NRXN3: variants seen among roughly 807,000 people sequenced by gnomAD.
NRXN3 encodes neurexin III.
A neutral mutation model predicts 137.6 loss-of-function variants in NRXN3; 32 were observed. The observed-to-expected ratio is 0.23, with a 90% CI of 0.18 to 0.31. The LOEUF is 0.31. Among genes scored for constraint, NRXN3 ranks in the 10% least tolerant of loss-of-function variants. The pLI is 1.00. For synonymous variants in NRXN3, 798 were observed against 784.5 expected, an observed-to-expected ratio of 1.02 and a Z score of -0.29; for missense variants, 1,574 against 2,062.5, an observed-to-expected ratio of 0.76 and a Z score of 4.59.
At chr14:79,718,729 A>G (rs535612558) in intron 19 of NRXN3, among the ~76,000 whole-genome samples, 10 of 152,252 alleles carry the variant, frequency 6.6e-5, no homozygotes, top group African/African-American at 2.4e-4. Context: ...TAATTTCCAA[A>G]TCTTATGCTT....
At chr14:79,720,147 A>G (rs1342092744) in intron 19 of NRXN3, among the ~76,000 whole-genome samples, 3 of 152,088 alleles carry the variant, frequency 2.0e-5, no homozygotes, top group Non-Finnish European at 4.4e-5. Context: ...CCTCACAATC[A>G]TGGTGGAAGG....
intron 15 of NRXN3, among the ~76,000 whole-genome samples, chr14:79,302,060 G>T (rs916820388): frequency 1.3e-4 from 19 of 151,976 alleles, no homozygotes; most frequent in African/African-American, 3.9e-4. Flanking sequence ...ATGTCAGCAT[G>T]CATGGGTGTT....
chr14:78,847,888 T>C (rs2099031951), intron 10 of NRXN3, among the ~76,000 whole-genome samples: 1 of 152,138 alleles, frequency 6.6e-6, no homozygotes, highest in Non-Finnish European at 1.5e-5. Flanking sequence ...CTCGCCACCC[T>C]ACTTGTAAAA....
At chr14:78,655,076 A>T (rs1480469230) in intron 6 of NRXN3, among the ~76,000 whole-genome samples, 1 of 152,154 alleles carries the variant, frequency 6.6e-6, no homozygotes, top group Non-Finnish European at 1.5e-5. Flanking sequence ...TATGAGGGAG[A>T]CATCATAGTA....
intron 8 of NRXN3, among the ~76,000 whole-genome samples, chr14:78,731,255 G>A (rs926918584): frequency 3.9e-5 from 6 of 151,970 alleles, no homozygotes; most frequent in African/African-American, 1.5e-4. Flanking sequence ...AGCTCTGTTA[G>A]GAGTGTTTAT....
intron 10 of NRXN3, among the ~76,000 whole-genome samples, chr14:78,819,935 T>C (rs796473749): frequency 4.6e-5 from 7 of 152,324 alleles, no homozygotes; most frequent in African/African-American, 1.7e-4. Flanking sequence ...CTATTTATCC[T>C]ATAAAAGCCT....
chr14:79,593,555 C>T (rs1292566632), intron 16 of NRXN3, among the ~76,000 whole-genome samples: 3 of 143,922 alleles, frequency 2.1e-5, no homozygotes, highest in African/African-American at 7.8e-5. Flanking sequence ...GGCGTGAACC[C>T]GGGAGGCAGA....
rs61577048 is a variant in NRXN3, at chr14:78,404,205, C to CT, written c.757+106362dup. 1.8e-3 allele frequency among the ~76,000 whole-genome samples: 257 copies of CT among 142,230 alleles called. 1 individual carries two copies. Among genetic ancestry groups the CT allele is most frequent in the African/African-American group, 6.3e-3 (241 of 37,964 alleles). 93.3% of individuals were successfully genotyped at this position (142,230 alleles called of 152,430 possible). A position where few individuals can be genotyped will look rare whatever the true frequency, so the allele number is the denominator to read the frequency against. On this transcript the variant is annotated intron_variant, in intron 4 of 20. Coordinates refer to ENST00000335750, the MANE Select transcript of NRXN3 (RefSeq NM_001330195.2). ...TATAGCTGTGATGTTCCCTATTTTCCTTTTTTTTTTTTTTTTTAAGTTGTC... is the reference window on the plus strand; with the variant it reads ...TATAGCTGTGATGTTCCCTATTTTCCTTTTTTTTTTTTTTTTTTAAGTTGTC...
At chr14:79,669,767 G>T (rs1470427952) in intron 17 of NRXN3, among the ~76,000 whole-genome samples, 1 of 152,010 alleles carries the variant, frequency 6.6e-6, no homozygotes. Context: ...TGTTAAAAAT[G>T]CAGACTCTCA....
In NRXN3 at chr14:79,229,195, G is replaced by A. The variant is rs183757111; in HGVS notation, c.3263-238026G>A. On this transcript the variant is annotated intron_variant, in intron 15 of 20. Transcript: ENST00000335750. The stretch of plus-strand genomic sequence containing the variant: ...GAATGTTTCTCCTTTTCATTAAGAG[G>A]TCATCTAAAATAGTATGTTCTCTAT... Among the ~76,000 whole-genome samples, 291 of 152,124 alleles carry A rather than the reference G, an allele frequency of 1.9e-3. 5 individuals carry two copies. Among genetic ancestry groups the A allele is most frequent in the Non-Finnish European group, 1.1e-3 (76 of 68,008 alleles).
chr14:79,270,859 C>T (rs559325551), intron 15 of NRXN3, among the ~76,000 whole-genome samples: 3 of 152,300 alleles, frequency 2.0e-5, no homozygotes, highest in African/African-American at 7.2e-5. Flanking sequence ...CACCTCACCT[C>T]GTCATCAGTT....
intron 19 of NRXN3, among the ~76,000 whole-genome samples, chr14:79,707,696 T>C (rs1395258440): frequency 6.6e-6 from 1 of 152,210 alleles, no homozygotes; most frequent in Non-Finnish European, 1.5e-5. Context: ...TTGTGGTCTC[T>C]GATATGGCAA....
chr14:79,776,285 G>A (rs1156989291), intron 19 of NRXN3, among the ~76,000 whole-genome samples: 1 of 152,074 alleles, frequency 6.6e-6, no homozygotes, highest in Non-Finnish European at 1.5e-5. Flanking sequence ...TAGAATTGTT[G>A]GTTTGTACCT....
intron 15 of NRXN3, among the ~76,000 whole-genome samples, chr14:79,289,060 A>G (rs1375240689): frequency 6.6e-6 from 1 of 152,168 alleles, no homozygotes; most frequent in Non-Finnish European, 1.5e-5. Flanking sequence ...TAGAACTTAG[A>G]GATATAAGAG....
chr14:78,472,602 G>A (rs1007340249), intron 4 of NRXN3, among the ~76,000 whole-genome samples: 2 of 152,206 alleles, frequency 1.3e-5, no homozygotes, highest in African/African-American at 4.8e-5. Context: ...CTGGCTCACA[G>A]TTTAGGAAGT....
At chr14:78,646,791 C>T (rs898275933) in intron 5 of NRXN3, among the ~76,000 whole-genome samples, 7 of 152,188 alleles carry the variant, frequency 4.6e-5, no homozygotes, top group Admixed American at 4.6e-4. Flanking sequence ...GGCCAAAGAA[C>T]CCTATTGCTA....
chr14:79,484,414 G>A (rs1042260589), intron 16 of NRXN3, among the ~76,000 whole-genome samples: 4 of 151,954 alleles, frequency 2.6e-5, no homozygotes, highest in African/African-American at 4.8e-5. Context: ...CTCCTCCAAC[G>A]CACAAATATA....
intron 15 of NRXN3, among the ~76,000 whole-genome samples, chr14:79,419,012 G>A (rs553021148): frequency 7.2e-5 from 11 of 152,208 alleles, no homozygotes; most frequent in African/African-American, 2.7e-4. Flanking sequence ...AGGCATGGAT[G>A]AAAATCGAAC....
intron 10 of NRXN3, among the ~76,000 whole-genome samples, chr14:78,913,142 C>T (rs1159741168): frequency 3.9e-5 from 6 of 151,936 alleles, no homozygotes; most frequent in East Asian, 1.9e-4. Context: ...AAGTACAGGT[C>T]GGAAAGTAAG....
Sources: allele counts gnomAD v4.1 joint callset (sites outside exome capture counted in the v4.1 genomes callset), GRCh38; gene constraint gnomAD v4.1.1; transcripts MANE v1.5; gene names NCBI Gene and HGNC (gene_info 2026-07-23, HGNC 2026-07-21).